Variants in GRIN2A observed in about 807,000 individuals in gnomAD.
The protein encoded by GRIN2A is glutamate ionotropic receptor NMDA type subunit 2A.
GRIN2A carries 22 observed loss-of-function variants against 113.4 expected under a neutral mutation model. That is an observed-to-expected ratio of 0.19 (90% CI 0.14 to 0.28). GRIN2A has a LOEUF of 0.28. Ranked by LOEUF, GRIN2A falls within the 10% of genes least tolerant of loss-of-function variation. The pLI, the probability that GRIN2A is intolerant of heterozygous loss-of-function variation, is 1.00. For missense variants in GRIN2A, 1,502 were observed against 1,887.0 expected (o/e 0.80, Z 3.78); for synonymous variants, 827 against 738.4 (o/e 1.12, Z -1.94).
chr16:9,972,160 C>T (rs543637874), intron 2 of GRIN2A, among the ~76,000 whole-genome samples: 2 of 152,164 alleles, frequency 1.3e-5, no homozygotes, highest in Non-Finnish European at 2.9e-5. Context: ...GTAGACAAGG[C>T]TCAAAGTAGT....
intron 2 of GRIN2A, among the ~76,000 whole-genome samples, chr16:10,127,606 C>T (rs1051646856): frequency 2.0e-5 from 3 of 152,148 alleles, no homozygotes; most frequent in African/African-American, 7.2e-5. Context: ...ATCTGTCTCC[C>T]CAGCCTTTTT....
At chr16:9,931,318 G>A (rs1346968201) in intron 3 of GRIN2A, among the ~76,000 whole-genome samples, 1 of 152,072 alleles carries the variant, frequency 6.6e-6, no homozygotes. Context: ...TAATGATGAT[G>A]ATGACCACAA....
intron 2 of GRIN2A, among the ~76,000 whole-genome samples, chr16:10,152,327 G>A (rs1404715995): frequency 6.6e-6 from 1 of 152,158 alleles, no homozygotes; most frequent in Non-Finnish European, 1.5e-5. Flanking sequence ...CATGTACTTG[G>A]CCACCTACGT....
intron 2 of GRIN2A, among the ~76,000 whole-genome samples, chr16:10,177,474 T>G (rs914368335): frequency 6.6e-6 from 1 of 152,152 alleles, no homozygotes; most frequent in Admixed American, 6.5e-5. Flanking sequence ...CCAACAACAA[T>G]CAGGAGTATC....
At chr16:10,022,738 A>G (rs1596431054) in intron 2 of GRIN2A, among the ~76,000 whole-genome samples, 2 of 152,214 alleles carry the variant, frequency 1.3e-5, no homozygotes, top group Non-Finnish European at 2.9e-5. Flanking sequence ...CTGTTTTTCC[A>G]TAAATATATA....
At chr16:10,167,702 C>T (rs912221702) in intron 2 of GRIN2A, among the ~76,000 whole-genome samples, 9 of 152,130 alleles carry the variant, frequency 5.9e-5, no homozygotes, top group Admixed American at 1.3e-4. Flanking sequence ...TAGGTTTTTT[C>T]GCTCTGTACA....
At chr16:9,852,602 GT>G (rs1175848882) in intron 4 of GRIN2A, among the ~76,000 whole-genome samples, 1 of 152,160 alleles carries the variant, frequency 6.6e-6, no homozygotes, top group African/African-American at 2.4e-5. Flanking sequence ...TGAGTGGTAG[GT>G]AGAGAGAACT....
chr16:10,144,622 A>G (rs2049394620), intron 2 of GRIN2A, among the ~76,000 whole-genome samples: 1 of 152,176 alleles, frequency 6.6e-6, no homozygotes, highest in Non-Finnish European at 1.5e-5. Context: ...ATACCTTTTC[A>G]TTCTGTTGAT....
intron 3 of GRIN2A, among the ~76,000 whole-genome samples, chr16:9,910,650 GC>G (rs2044116671): frequency 6.7e-6 from 1 of 148,600 alleles, no homozygotes; most frequent in South Asian, 2.1e-4. Context: ...TGATTCTCCT[GC>G]CTCAGCCTCC....
At chr16:10,163,980 A>G (rs1016316511) in intron 2 of GRIN2A, among the ~76,000 whole-genome samples, 46 of 152,224 alleles carry the variant, frequency 3.0e-4, no homozygotes, top group African/African-American at 1.1e-3. Flanking sequence ...CAAAAGTCTG[A>G]GAATAAGTTT....
intron 3 of GRIN2A, among the ~76,000 whole-genome samples, chr16:9,909,609 C>G (rs1469802401): frequency 6.6e-6 from 1 of 152,202 alleles, no homozygotes; most frequent in African/African-American, 2.4e-5. Flanking sequence ...GAGAAAAGAG[C>G]TGTGTGGATC....
chr16:9,860,080 G>A (rs561446980), intron 4 of GRIN2A, among the ~76,000 whole-genome samples: 4 of 152,034 alleles, frequency 2.6e-5, no homozygotes, highest in South Asian at 2.1e-4. Flanking sequence ...ATGCTATGCC[G>A]GGAGCAGGCA....
intron 2 of GRIN2A, among the ~76,000 whole-genome samples, chr16:10,160,124 C>T (rs2049781364): frequency 6.6e-6 from 1 of 152,206 alleles, no homozygotes; most frequent in Non-Finnish European, 1.5e-5. Context: ...CCTTCAGCCA[C>T]CATGTTTGTG....
In GRIN2A at chr16:9,760,374, A is replaced by ATTTTTTTTTTTTTTTTTTTT. The variant is rs35189803; in HGVS notation, c.*2755_*2774dup. The ATTTTTTTTTTTTTTTTTTTT allele has an allele frequency of 1.1e-5, 1 of 89,566 alleles. No homozygotes were observed. The highest frequency in any genetic ancestry group is 2.1e-4 in the East Asian group (1 of 4,822). The allele number at this position is 89,566 out of a possible 1,614,324, so 5.5% of individuals were successfully genotyped here. The stretch of plus-strand genomic sequence containing the variant: ...AAATTGACCATCTGATCAGTAGTTG[A>ATTTTTTTTTTTTTTTTTTTT]TTTTTTTTTTTTTTTTTTTTTTTTG... On this transcript the variant is annotated 3_prime_UTR_variant, in exon 13 of 13. Coordinates refer to ENST00000330684, the MANE Select transcript of GRIN2A (RefSeq NM_001134407.3).
chr16:10,100,872 G>A (rs753180202), intron 2 of GRIN2A, among the ~76,000 whole-genome samples: 1 of 152,204 alleles, frequency 6.6e-6, no homozygotes, highest in Non-Finnish European at 1.5e-5. Context: ...CATCACAGAC[G>A]TGCTGGCCAA....
In GRIN2A at chr16:9,753,410, A is replaced by C. The variant is rs1308640362; in HGVS notation, c.*9739T>G. 5.3e-6 allele frequency: 1 copy of C among 188,928 alleles called. No individual in the cohort carries two copies. The highest frequency in any genetic ancestry group is 1.1e-5 in the Non-Finnish European group (1 of 89,928). The allele number at this position is 188,928 out of a possible 1,614,324, so 11.7% of individuals were successfully genotyped here. A position where few individuals can be genotyped will look rare whatever the true frequency, so the allele number is the denominator to read the frequency against. ...AACAAAGACCACAACTCAATTTCTC[A>C]TTTTCATATCAATTGGCAGAAATTA... On this transcript the variant is annotated 3_prime_UTR_variant, in exon 13 of 13. Transcript: ENST00000330684.
At chr16:10,126,689 T>C (rs530410827) in intron 2 of GRIN2A, among the ~76,000 whole-genome samples, 1 of 152,354 alleles carries the variant, frequency 6.6e-6, no homozygotes, top group African/African-American at 2.4e-5. Context: ...CTACCATTTG[T>C]TGGTTTCTGT....
intron 2 of GRIN2A, among the ~76,000 whole-genome samples, chr16:10,145,851 G>C (rs551601319): frequency 1.2e-4 from 18 of 152,284 alleles, no homozygotes; most frequent in African/African-American, 3.6e-4. Context: ...ACAAAGACAG[G>C]TGGCAGGCCA....
chr16:9,937,743 A>G (rs1481364864), intron 3 of GRIN2A: 3 of 586,074 alleles, frequency 5.1e-6, no homozygotes, highest in Middle Eastern at 4.6e-4. Flanking sequence ...GTTGAGTAGA[A>G]AAAAAAGTTA....
Sources: allele counts gnomAD v4.1 joint callset (sites outside exome capture counted in the v4.1 genomes callset), GRCh38; gene constraint gnomAD v4.1.1; transcripts MANE v1.5; gene names NCBI Gene and HGNC (gene_info 2026-07-23, HGNC 2026-07-21).